Variants in RAD17 observed in about 807,000 individuals in gnomAD.
RAD17 encodes the protein cell cycle checkpoint protein RAD17.
A neutral mutation model predicts 81.5 loss-of-function variants in RAD17; 31 were observed. The ratio of observed to expected loss-of-function variants is 0.38; its 90% CI spans 0.29 to 0.51. RAD17 has a LOEUF of 0.51. Among genes scored for constraint, RAD17 ranks in the 20% least tolerant of loss-of-function variants. The pLI, the probability that RAD17 is intolerant of heterozygous loss-of-function variation, is 0.88. For missense variants in RAD17, 681 were observed against 781.2 expected, an observed-to-expected ratio of 0.87 and a Z score of 1.53; for synonymous variants, 261 against 266.2, an observed-to-expected ratio of 0.98 and a Z score of 0.19.
At chr5:69,389,878 C>T (rs370863281) in intron 12 of RAD17, among the ~76,000 whole-genome samples, 2 of 152,098 alleles carry the variant, frequency 1.3e-5, no homozygotes, top group South Asian at 4.1e-4. Context: ...CCTCGTGATC[C>T]GCCCGCCTCG....
Position 69,414,379 on chromosome 5 carries a change from G to A in RAD17, c.*87G>A. 6 of 1,377,022 alleles carry A rather than the reference G, an allele frequency of 4.4e-6. No homozygotes were observed. The highest frequency in any genetic ancestry group is 6.0e-6 in the Non-Finnish European group (6 of 1,002,560). The allele number at this position is 1,377,022 out of a possible 1,614,324, so 85.3% of individuals were successfully genotyped here. A position where few individuals can be genotyped will look rare whatever the true frequency, so the allele number is the denominator to read the frequency against. ...TTCAGCAGAGTTAATATGCTTTTCT[G>A]ATGAATTACACAACAGTTTGTTAAT... On this transcript the variant is annotated 3_prime_UTR_variant, in exon 19 of 19. Transcript: ENST00000354868.
chr5:69,410,624 A>G lies in RAD17; in HGVS notation c.1751+74A>G, dbSNP rs1183094472. The G allele has an allele frequency of 4.5e-6, 6 of 1,324,784 alleles. No individual in the cohort carries two copies. In the South Asian group the frequency reaches 7.3e-5, roughly 16 times the overall value. 82.1% of individuals were successfully genotyped at this position (1,324,784 alleles called of 1,614,324 possible). ...TGAATATGTTCAGTATGAATCAATA[A>G]CTGTTACCTGTAACATCCAAGAAAG... On this transcript the variant is annotated intron_variant, in intron 18 of 18. Coordinates refer to ENST00000354868, the MANE Select transcript of RAD17 (RefSeq NM_133338.3).
At chr5:69,399,869 A>T (rs904143288) in intron 16 of RAD17, among the ~76,000 whole-genome samples, 180 bp from the exon 17 acceptor site, 1 of 152,154 alleles carries the variant, frequency 6.6e-6, no homozygotes, top group Non-Finnish European at 1.5e-5. Context: ...TTATTAAACG[A>T]TGCTAAAAAA....
chr5:69,374,170 T>G (rs1763196111), intron 5 of RAD17, 83 bp downstream of exon 5: 29 of 1,222,010 alleles, frequency 2.4e-5, no homozygotes, highest in Non-Finnish European at 3.3e-5. Flanking sequence ...GATTTACATT[T>G]TCAGATTTTT....
chr5:69,371,492 G>C lies in RAD17; in HGVS notation c.-241G>C, dbSNP rs1351381556. On this transcript the variant is annotated 5_prime_UTR_variant, in exon 3 of 19. Coordinates refer to ENST00000354868, the MANE Select transcript of RAD17 (RefSeq NM_133338.3). ...TAATGTACTGCAAGTCCTAAACTACGGATGGGAACTATTACAGTTTATAAT... is the reference window on the plus strand; with the variant it reads ...TAATGTACTGCAAGTCCTAAACTACCGATGGGAACTATTACAGTTTATAAT... The C allele has an allele frequency of 1.5e-6, 2 of 1,346,150 alleles. No individual in the cohort carries two copies. Among genetic ancestry groups the C allele is most frequent in the Non-Finnish European group, 2.0e-6 (2 of 1,012,326 alleles). 83.4% of individuals were successfully genotyped at this position (1,346,150 alleles called of 1,614,324 possible).
chr5:69,393,631 A>G, intron 15 of RAD17, 131 bp downstream of exon 15: 1 of 820,590 alleles, frequency 1.2e-6, no homozygotes, highest in Non-Finnish European at 1.9e-6. Flanking sequence ...GCTAAAGTTA[A>G]TGTAACCAAC....
chr5:69,410,591 A>G (rs1333970505), intron 18 of RAD17, 41 bp downstream of exon 18: 1 of 1,555,934 alleles, frequency 6.4e-7, no homozygotes, highest in Admixed American at 1.7e-5. Context: ...TGATAATGAA[A>G]TGTCTACTGA....
chr5:69,402,208 CG>C (rs1765317313), intron 17 of RAD17, among the ~76,000 whole-genome samples: 2 of 151,058 alleles, frequency 1.3e-5, no homozygotes, highest in South Asian at 4.2e-4. Context: ...CCACAACACC[CG>C]GCTAATTTTT....
chr5:69,400,713 C>G (rs1480139268), intron 17 of RAD17, among the ~76,000 whole-genome samples: 1 of 151,504 alleles, frequency 6.6e-6, no homozygotes, highest in Non-Finnish European at 1.5e-5. Flanking sequence ...ACAGGGAGAT[C>G]ACTGGAGGTT....
intron 13 of RAD17, chr5:69,392,874 C>A: frequency 2.1e-6 from 1 of 465,966 alleles, no homozygotes; most frequent in South Asian, 2.0e-5. Context: ...GGGAAGAAAG[C>A]AACCCAAAGC....
intron 13 of RAD17, chr5:69,392,707 C>T (rs142939199): frequency 3.4e-5 from 14 of 416,200 alleles, no homozygotes; most frequent in Non-Finnish European, 5.3e-5. Flanking sequence ...CTATTCCCAC[C>T]TGATTCTTTT....
At position 69,389,060 on chromosome 5, in the gene RAD17, C is replaced by A. The variant is rs1268657716; in HGVS notation, c.921C>A (p.Asp307Glu). 6.6e-7 allele frequency: 1 copy of A among 1,518,624 alleles called. No homozygotes were observed. Among genetic ancestry groups the A allele is most frequent in the South Asian group, 1.4e-5 (1 of 73,816 alleles). The allele number at this position is 1,518,624 out of a possible 1,614,324, so 94.1% of individuals were successfully genotyped here. The change falls in exon 12 of 19, where the codon GAC becomes GAA. Residue 307 changes from aspartate (D) to glutamate (E), a missense_variant. Asp to Glu is a conservative substitution (Grantham distance 45, BLOSUM62 2). Transcript: ENST00000354868. ...NKNGGKITVP[D>E]KTSLELLCQG... ...ATGGAGGAAAAATTACTGTCCCTGA[C>A]AAAACTTCTCTAGAGTTGCTCTGTC...
intron 4 of RAD17, among the ~76,000 whole-genome samples, 185 bp downstream of exon 4, chr5:69,372,402 G>A (rs920739993): frequency 6.6e-6 from 1 of 152,092 alleles, no homozygotes; most frequent in Non-Finnish European, 1.5e-5. Flanking sequence ...CTTCAAGAGA[G>A]GAACATTGTC....
chr5:69,370,702 T>C (rs1368884641), intron 1 of RAD17: 1 of 152,794 alleles, frequency 6.5e-6, no homozygotes, highest in Non-Finnish European at 1.5e-5. Flanking sequence ...GTGTTTTTTT[T>C]CCACCTGTAT....
intron 8 of RAD17, among the ~76,000 whole-genome samples, chr5:69,385,519 G>A (rs868036459): frequency 8.6e-5 from 13 of 151,554 alleles, no homozygotes; most frequent in African/African-American, 1.5e-4. Context: ...TAATCCTCCC[G>A]CCTTGGCCTC....
At position 69,414,446 on chromosome 5, in the gene RAD17, C is replaced by T; in HGVS notation, c.*154C>T. On this transcript the variant is annotated 3_prime_UTR_variant, in exon 19 of 19. Coordinates refer to ENST00000354868, the MANE Select transcript of RAD17 (RefSeq NM_133338.3). ...ATTTCATCACAAGAAACCTACTCTT[C>T]TGTCATCTTGAAGTAAATAGAAGAT... The T allele has an allele frequency of 9.2e-6, 8 of 873,450 alleles. No homozygotes were observed. The highest frequency in any genetic ancestry group is 1.4e-5 in the Non-Finnish European group (8 of 584,658). 54.1% of individuals were successfully genotyped at this position (873,450 alleles called of 1,614,324 possible).
intron 2 of RAD17, 82 bp downstream of exon 2, chr5:69,371,253 C>T: frequency 5.5e-6 from 3 of 549,540 alleles, no homozygotes; most frequent in Non-Finnish European, 1.0e-5. Context: ...CTTAACACCA[C>T]AAGTAGATTA....
intron 17 of RAD17, 81 bp from the exon 18 acceptor site, chr5:69,410,412 C>CA: frequency 9.5e-7 from 1 of 1,057,002 alleles, no homozygotes; most frequent in Non-Finnish European, 1.4e-6. Context: ...TAGTGATGTT[C>CA]AGCATCTTTT....
chr5:69,379,296 A>G (rs965345402), intron 6 of RAD17, among the ~76,000 whole-genome samples: 2 of 152,180 alleles, frequency 1.3e-5, no homozygotes. Flanking sequence ...ATGCTAGTAT[A>G]CATTTATATA....
Sources: gnomAD v4.1 joint callset for allele counts (sites outside exome capture counted in the v4.1 genomes callset) on GRCh38, gnomAD v4.1.1 for gene constraint, MANE v1.5 for transcripts, NCBI Gene and HGNC (gene_info 2026-07-23, HGNC 2026-07-21) for gene names.